Variants in RBFOX1 observed in about 807,000 individuals in gnomAD.
The protein encoded by RBFOX1 is RNA binding protein fox-1 homolog 1.
In RBFOX1, 8 loss-of-function variants were observed where a neutral mutation model predicts 57.7. The observed-to-expected ratio is 0.14, with a 90% CI of 0.08 to 0.25. The LOEUF is 0.25. RBFOX1 is among the 10% of genes least tolerant of loss of function. The pLI, the probability that RBFOX1 is intolerant of heterozygous loss-of-function variation, is 1.00. For missense variants in RBFOX1, 611 were observed against 548.5 expected (o/e 1.11, Z -1.14); for synonymous variants, 326 against 222.4 (o/e 1.47, Z -4.15).
chr16:7,631,138 G>A (rs888241297), intron 11 of RBFOX1, among the ~76,000 whole-genome samples: 1 of 151,630 alleles, frequency 6.6e-6, no homozygotes, highest in Non-Finnish European at 1.5e-5. Flanking sequence ...TTGCAAGGCT[G>A]TTCTGTCCTT....
At chr16:7,179,139 T>G (rs1601994530) in intron 4 of RBFOX1, among the ~76,000 whole-genome samples, 2 of 152,176 alleles carry the variant, frequency 1.3e-5, no homozygotes, top group South Asian at 4.2e-4. Context: ...TCCGGAGGGG[T>G]TAATATTTTT....
chr16:7,204,444 C>A (rs966419040), intron 4 of RBFOX1, among the ~76,000 whole-genome samples: 21 of 152,222 alleles, frequency 1.4e-4, no homozygotes, highest in Non-Finnish European at 2.8e-4. Flanking sequence ...GAGTTTGAGA[C>A]CAGCCTAAGC....
At chr16:7,127,839 A>G (rs1409884384) in intron 4 of RBFOX1, among the ~76,000 whole-genome samples, 2 of 152,236 alleles carry the variant, frequency 1.3e-5, no homozygotes, top group Non-Finnish European at 2.9e-5. Flanking sequence ...TTGCAAGCAT[A>G]TAAGGACTTT....
chr16:7,053,967 A>G (rs187350576), intron 4 of RBFOX1, among the ~76,000 whole-genome samples: 2 of 152,028 alleles, frequency 1.3e-5, no homozygotes, highest in South Asian at 2.1e-4. Context: ...AGAGAGTGCA[A>G]TGGAGTTTTC....
chr16:5,418,959 C>A (rs534326331), intron 1 of RBFOX1, among the ~76,000 whole-genome samples: 2 of 152,270 alleles, frequency 1.3e-5, no homozygotes, highest in South Asian at 4.1e-4. Flanking sequence ...AGGAGAGTAT[C>A]TAGTTGAGGC....
At chr16:6,671,785 G>C (rs1338146107) in intron 3 of RBFOX1, among the ~76,000 whole-genome samples, 1 of 152,174 alleles carries the variant, frequency 6.6e-6, no homozygotes, top group Admixed American at 6.5e-5. Context: ...TGCTGTGAAT[G>C]CCATTAATTC....
chr16:6,168,356 G>C (rs1006369523), intron 1 of RBFOX1, among the ~76,000 whole-genome samples: 1 of 152,132 alleles, frequency 6.6e-6, no homozygotes, highest in African/African-American at 2.4e-5. Flanking sequence ...CCTTTCTCTA[G>C]CTTAAGTATG....
chr16:7,241,826 T>G (rs1033908992), intron 4 of RBFOX1, among the ~76,000 whole-genome samples: 6 of 152,058 alleles, frequency 3.9e-5, no homozygotes, highest in African/African-American at 7.2e-5. Context: ...CATATATGTT[T>G]ATACATATAT....
At chr16:7,640,597 A>G (rs932422053) in intron 11 of RBFOX1, among the ~76,000 whole-genome samples, 4 of 152,262 alleles carry the variant, frequency 2.6e-5, no homozygotes, top group African/African-American at 7.2e-5. Flanking sequence ...ATACACAGCC[A>G]GAGAACAAGG....
At chr16:6,868,863 C>T (rs2060390043) in intron 3 of RBFOX1, among the ~76,000 whole-genome samples, 1 of 152,134 alleles carries the variant, frequency 6.6e-6, no homozygotes, top group Non-Finnish European at 1.5e-5. Flanking sequence ...ATGAAATATG[C>T]AGGGAGGTGA....
In RBFOX1 at chr16:6,420,223, C is replaced by A. The variant is rs138162160; in HGVS notation, c.-64+103166C>A. ...TCAGCAGAGCCTGAAAAAAATGTAC[C>A]TTCAGCAAAATTATAGATGCAGTAA... On this transcript the variant is annotated intron_variant, in intron 2 of 15. Transcript: ENST00000550418. Among the ~76,000 whole-genome samples the A allele has an allele frequency of 8.4e-3, 1,276 of 152,184 alleles. 10 individuals are homozygous for A. Among genetic ancestry groups the A allele is most frequent in the Non-Finnish European group, 0.014 (962 of 68,026 alleles).
intron 1 of RBFOX1, among the ~76,000 whole-genome samples, chr16:5,454,862 CT>C (rs1555524112): frequency 4.7e-5 from 1 of 21,310 alleles, no homozygotes; most frequent in East Asian, 1.6e-3. Context: ...TCTTTTCTTT[CT>C]TTCTTTCTTT....
intron 3 of RBFOX1, among the ~76,000 whole-genome samples, chr16:5,666,746 A>G (rs17138310): frequency 0.046 from 6,940 of 152,208 alleles, 370 homozygotes; most frequent in East Asian, 0.19. Context: ...ATGGATCTCT[A>G]TTTCTCCTGC....
At chr16:7,544,398 A>G (rs1019095978) in intron 5 of RBFOX1, among the ~76,000 whole-genome samples, 3 of 152,196 alleles carry the variant, frequency 2.0e-5, no homozygotes, top group Non-Finnish European at 4.4e-5. Flanking sequence ...AGGAGATCTC[A>G]TTTGAAAGTA....
chr16:7,341,752 C>CTCCT (rs1224014395), intron 4 of RBFOX1, among the ~76,000 whole-genome samples: 1 of 112,484 alleles, frequency 8.9e-6, no homozygotes, highest in Non-Finnish European at 1.8e-5. Flanking sequence ...CCCTCCCTCC[C>CTCCT]TCCTTCCCTC....
chr16:6,858,694 C>A (rs1291626023), intron 3 of RBFOX1, among the ~76,000 whole-genome samples: 4 of 152,104 alleles, frequency 2.6e-5, no homozygotes, highest in Non-Finnish European at 1.5e-5. Flanking sequence ...TATGGAATTA[C>A]ATATCAGAAT....
At chr16:5,244,217 G>A (rs2062238704) in intron 1 of RBFOX1, among the ~76,000 whole-genome samples, 1 of 152,240 alleles carries the variant, frequency 6.6e-6, no homozygotes, top group African/African-American at 2.4e-5. Context: ...TTGTAACACA[G>A]ACAAAGCACA....
At chr16:7,695,802 A>C (rs2058182) in intron 14 of RBFOX1, among the ~76,000 whole-genome samples, 1 of 152,110 alleles carries the variant, frequency 6.6e-6, no homozygotes, top group African/African-American at 2.4e-5. Flanking sequence ...TTGACAAAAG[A>C]CAAGTTCTCT....
intron 4 of RBFOX1, among the ~76,000 whole-genome samples, chr16:7,139,037 C>T (rs901014228): frequency 6.6e-6 from 1 of 152,138 alleles, no homozygotes; most frequent in African/African-American, 2.4e-5. Flanking sequence ...CTCCTGGCCC[C>T]AAGTGATCTG....
Sources: gnomAD v4.1 joint callset for allele counts (sites outside exome capture counted in the v4.1 genomes callset) on GRCh38, gnomAD v4.1.1 for gene constraint, MANE v1.5 for transcripts, NCBI Gene and HGNC (gene_info 2026-07-23, HGNC 2026-07-21) for gene names.